The following FANCM variants were observed in gnomAD, a reference collection of about 807,000 sequenced individuals.
FANCM encodes the protein FA complementation group M.
In FANCM, 140 loss-of-function variants were observed where a neutral mutation model predicts 199.5. That is an observed-to-expected ratio of 0.70 (90% confidence interval 0.61 to 0.81). The LOEUF (loss-of-function observed/expected upper bound fraction) is 0.81. Ranked by LOEUF, FANCM falls within the 30% of genes least tolerant of loss-of-function variation. The probability of loss-of-function intolerance (pLI) is 0.00; values close to 1 mark genes in which losing one functional copy is unlikely to be tolerated. For missense variants in FANCM, 2,410 were observed against 2,421.4 expected (o/e 1.00, Z 0.10); for synonymous variants, 840 against 836.8 (o/e 1.00, Z -0.07).
chr14:45,160,207 T>C (rs1169085353), intron 9 of FANCM, among the ~76,000 whole-genome samples: 7 of 151,490 alleles, frequency 4.6e-5, no homozygotes, highest in Non-Finnish European at 1.0e-4. Context: ...TTGGCCAGGG[T>C]GGTCTCAAAC....
At chr14:45,195,642 C>T (rs1266058212) in intron 20 of FANCM, 2 of 437,082 alleles carry the variant, frequency 4.6e-6, no homozygotes, top group Non-Finnish European at 9.3e-6. Context: ...TTTTTGACCT[C>T]GGTGCATTCC....
chr14:45,199,723 A>G, intron 22 of FANCM, 147 bp from the exon 23 acceptor site: 1 of 636,432 alleles, frequency 1.6e-6, no homozygotes, highest in Non-Finnish European at 2.8e-6. Flanking sequence ...CTTTTATCCA[A>G]ACTAATGTTC....
intron 4 of FANCM, 70 bp from the exon 5 acceptor site, chr14:45,151,327 G>A (rs894517869): frequency 8.1e-7 from 1 of 1,233,804 alleles, no homozygotes; most frequent in Non-Finnish European, 1.2e-6. Flanking sequence ...ATTTTAATAT[G>A]TGAGAAAATG....
intron 12 of FANCM, among the ~76,000 whole-genome samples, chr14:45,172,079 T>C (rs1353597274): frequency 6.6e-6 from 1 of 152,164 alleles, no homozygotes; most frequent in Non-Finnish European, 1.5e-5. Flanking sequence ...GGTATTGTAT[T>C]GTGGTTTTGA....
intron 8 of FANCM, among the ~76,000 whole-genome samples, chr14:45,158,749 G>A (rs534453135): frequency 3.9e-5 from 6 of 152,230 alleles, no homozygotes; most frequent in African/African-American, 1.4e-4. Context: ...TTTTATGACA[G>A]CCAATGGTAA....
intron 18 of FANCM, among the ~76,000 whole-genome samples, chr14:45,185,959 C>T (rs1394168465): frequency 1.3e-5 from 2 of 152,074 alleles, no homozygotes; most frequent in Non-Finnish European, 1.5e-5. Context: ...GGTGCAGTGG[C>T]GCAGTCATAG....
In FANCM at chr14:45,136,001, C is replaced by A; in HGVS notation, c.-31C>A. On this transcript the variant is annotated 5_prime_UTR_variant, in exon 1 of 23. It adds an upstream start codon to the 5' untranslated region. Transcript: ENST00000267430. ...GTTGAGCTGCTGCTGCTACGGATAT[C>A]TGACAGAAGCCTTCGGTGGTTGTCG... 6.2e-7 allele frequency: 1 copy of A among 1,612,094 alleles called. No homozygotes were observed. The highest frequency in any genetic ancestry group is 8.5e-7 in the Non-Finnish European group (1 of 1,179,642).
At position 45,176,905 on chromosome 14, in the gene FANCM, C is replaced by T. The variant is rs1316798538; in HGVS notation, c.4151C>T (p.Ser1384Leu). 3.1e-6 allele frequency: 5 copies of T among 1,611,502 alleles called. No individual in the cohort carries two copies. Among genetic ancestry groups the T allele is most frequent in the Non-Finnish European group, 3.4e-6 (4 of 1,178,148 alleles). Residue 1384 changes from serine (S) to leucine (L), a missense_variant, in exon 14 of 23, where the codon TCA (serine) becomes TTA (leucine). Ser to Leu is a moderately radical substitution (Grantham distance 145). Coordinates refer to ENST00000267430, the MANE Select transcript of FANCM (RefSeq NM_020937.4). The stretch of plus-strand genomic sequence containing the variant: ...GCATTGAATTCAACTTTTGATTATT[C>T]AGAATTTTCTCTAGAAAAGTCTAAA... ...KEALNSTFDY[S>L]EFSLEKSKSS...
At position 45,170,769 on chromosome 14, in the gene FANCM, T is replaced by A. The variant is rs750532524; in HGVS notation, c.2160+23T>A. 3.1e-6 allele frequency: 5 copies of A among 1,597,360 alleles called. No homozygotes were observed. The South Asian group carries it at 5.5e-5, about 18-fold the overall frequency. ...CCAGTAAGTTGAATATATTTTCAGATGTTCTTTTCCCCCCCCTCATTTTAA... is the reference window on the plus strand; with the variant it reads ...CCAGTAAGTTGAATATATTTTCAGAAGTTCTTTTCCCCCCCCTCATTTTAA... On this transcript the variant is annotated intron_variant, in intron 12 of 22. Transcript: ENST00000267430.
At chr14:45,152,365 CTT>C (rs1458725834) in intron 5 of FANCM, among the ~76,000 whole-genome samples, 2 of 152,056 alleles carry the variant, frequency 1.3e-5, no homozygotes, top group Non-Finnish European at 2.9e-5. Context: ...AAGAATTTGT[CTT>C]TTAGTCTATT....
intron 14 of FANCM, among the ~76,000 whole-genome samples, chr14:45,180,406 G>A (rs911685808): frequency 2.0e-5 from 3 of 151,788 alleles, no homozygotes; most frequent in Non-Finnish European, 2.9e-5. Context: ...GGACCTCTTC[G>A]TAGGGTAGTT....
Position 45,198,942 on chromosome 14 carries a change from CTGTT to C in FANCM, c.6008+8_6008+11del, listed in dbSNP as rs1566793315. 2 of 1,590,030 alleles carry C rather than the reference CTGTT, an allele frequency of 1.3e-6. No individual in the cohort carries two copies. The highest frequency in any genetic ancestry group is 4.5e-5 in the East Asian group (2 of 44,734). Reference sequence around the variant, plus strand: ...TGAAAAGGATGGCTAACAGGTATGTCTGTTGTAATATTTTTAAATGATTACTTTT... The same window carrying C: ...TGAAAAGGATGGCTAACAGGTATGTCGTAATATTTTTAAATGATTACTTTT... On this transcript the variant is annotated splice_region_variant and intron_variant, in intron 22 of 22. Transcript: ENST00000267430.
Position 45,198,838 on chromosome 14 carries a change from G to A in FANCM, c.5911G>A (p.Glu1971Lys). The A allele has an allele frequency of 6.2e-7, 1 of 1,613,004 alleles. No individual in the cohort carries two copies. Among genetic ancestry groups the A allele is most frequent in the Non-Finnish European group, 8.5e-7 (1 of 1,179,076 alleles). ...VPTVVNSNKSEALQFYLSIPN... is the reference protein window; with the variant it reads ...VPTVVNSNKSKALQFYLSIPN... ...AACAGTGGTGAATAGTAATAAAAGTGAGGCACTCCAGTTTTATTTAAGTAT... is the reference window on the plus strand; with the variant it reads ...AACAGTGGTGAATAGTAATAAAAGTAAGGCACTCCAGTTTTATTTAAGTAT... Residue 1971 changes from glutamate (E) to lysine (K), a missense_variant, in exon 22 of 23, where the codon GAG becomes AAG. By Grantham distance (56) the Glu-to-Lys change is moderately conservative (BLOSUM62 1). Coordinates refer to ENST00000267430, the MANE Select transcript of FANCM (RefSeq NM_020937.4).
At chr14:45,142,821 G>A (rs1193644686) in intron 3 of FANCM, among the ~76,000 whole-genome samples, 2 of 151,996 alleles carry the variant, frequency 1.3e-5, no homozygotes, top group East Asian at 1.9e-4. Flanking sequence ...TTTTACTTGT[G>A]TTGTAATCTT....
chr14:45,185,601 G>A (rs573712108), intron 18 of FANCM, among the ~76,000 whole-genome samples: 1 of 152,174 alleles, frequency 6.6e-6, no homozygotes, highest in African/African-American at 2.4e-5. Context: ...ATTGACCTGG[G>A]TTGCTCAAGT....
chr14:45,174,074 G>A (rs1888509085), intron 13 of FANCM, among the ~76,000 whole-genome samples: 1 of 152,080 alleles, frequency 6.6e-6, no homozygotes, highest in East Asian at 1.9e-4. Flanking sequence ...TCACATTAAT[G>A]CTTATTATAT....
intron 14 of FANCM, among the ~76,000 whole-genome samples, chr14:45,179,056 A>C (rs1048577050): frequency 1.3e-5 from 2 of 152,000 alleles, no homozygotes; most frequent in African/African-American, 4.8e-5. Context: ...AAAATTAGCC[A>C]GGCGTCGTGG....
intron 14 of FANCM, among the ~76,000 whole-genome samples, chr14:45,180,478 G>C (rs115137950): frequency 0.01 from 1,525 of 151,446 alleles, 32 homozygotes; most frequent in African/African-American, 0.035. Flanking sequence ...GCAGGGTCTC[G>C]CTTTGTCACT....
In FANCM at chr14:45,137,287, AAAGAG is replaced by A. The variant is rs774450736; in HGVS notation, c.681+49_681+53del. 1.3e-5 allele frequency: 20 copies of A among 1,554,654 alleles called. No individual in the cohort carries two copies. In the Admixed American group the frequency reaches 3.0e-4, roughly 23 times the overall value. On this transcript the variant is annotated intron_variant, in intron 2 of 22. Coordinates refer to ENST00000267430, the MANE Select transcript of FANCM (RefSeq NM_020937.4). ...TATTTTGTATTGTAACTGTACTGTTAAAGAGAATTTTGGCGAATAGTTACTAGTGA... is the reference window on the plus strand; with the variant it reads ...TATTTTGTATTGTAACTGTACTGTTAAATTTTGGCGAATAGTTACTAGTGA...
Sources: allele counts gnomAD v4.1 joint callset (sites outside exome capture counted in the v4.1 genomes callset), GRCh38; gene constraint gnomAD v4.1.1; transcripts MANE v1.5; gene names NCBI Gene and HGNC (gene_info 2026-07-23, HGNC 2026-07-21).